Variants in ARHGEF3 observed in about 807,000 individuals in gnomAD.
ARHGEF3 encodes Rho guanine nucleotide exchange factor 3, also known as 59.8 kDA protein.
A neutral mutation model predicts 63.2 loss-of-function variants in ARHGEF3; 28 were observed. That is an observed-to-expected ratio of 0.44 (90% confidence interval 0.33 to 0.61). ARHGEF3 has a LOEUF of 0.61. ARHGEF3 is among the 20% of genes least tolerant of loss of function. The pLI is 0.03. For missense variants in ARHGEF3, 533 were observed against 659.3 expected, an observed-to-expected ratio of 0.81 and a Z score of 2.10; for synonymous variants, 266 against 254.2, an observed-to-expected ratio of 1.05 and a Z score of -0.44.
intron 7 of ARHGEF3, among the ~76,000 whole-genome samples, chr3:56,741,324 T>A (rs1321190925): frequency 6.6e-6 from 1 of 151,332 alleles, no homozygotes; most frequent in African/African-American, 2.4e-5. Context: ...TAGCTGGGAT[T>A]ACAGGCATGC....
At position 56,900,132 on chromosome 3, in the gene ARHGEF3, A is replaced by G. The variant is rs540190696; in HGVS notation, c.130-17778T>C. ...CTTTGTAGCAGAGGCCCCACCTCCC[A>G]ACTCCCTTTGTTGTCACAGTCCTGG... On this transcript the variant is annotated intron_variant, in intron 3 of 12. Coordinates refer to the ARHGEF3 transcript ENST00000338458. Among the ~76,000 whole-genome samples, 13 of 152,266 alleles carry G rather than the reference A, an allele frequency of 8.5e-5. No individual in the cohort carries two copies. In the East Asian group the frequency reaches 2.5e-3, roughly 29 times the overall value.
chr3:56,895,776 G>A (rs923714333), intron 3 of ARHGEF3, among the ~76,000 whole-genome samples: 15 of 152,194 alleles, frequency 9.9e-5, no homozygotes, highest in African/African-American at 3.6e-4. Context: ...CAGGTCCATC[G>A]TTCTGAGGGA....
At chr3:56,977,207 G>GCA (rs1701158396) in intron 2 of ARHGEF3, 3 of 455,938 alleles carry the variant, frequency 6.6e-6, no homozygotes, top group African/African-American at 6.0e-5. Flanking sequence ...TTTTCTGGCT[G>GCA]CCTAATCCAC....
At chr3:57,028,795 G>A (rs1703594908) in intron 2 of ARHGEF3, among the ~76,000 whole-genome samples, 1 of 151,882 alleles carries the variant, frequency 6.6e-6, no homozygotes, top group African/African-American at 2.4e-5. Flanking sequence ...GACGATGTTT[G>A]GAGCCAATGT....
intron 3 of ARHGEF3, among the ~76,000 whole-genome samples, chr3:56,944,315 C>T (rs1699352662): frequency 3.9e-5 from 6 of 152,110 alleles, no homozygotes; most frequent in Admixed American, 3.3e-4. Context: ...CCATTAAGAA[C>T]ATTCACAATT....
intron 1 of ARHGEF3, among the ~76,000 whole-genome samples, chr3:57,076,241 C>T (rs1388084873): frequency 6.6e-6 from 1 of 152,048 alleles, no homozygotes; most frequent in Non-Finnish European, 1.5e-5. Flanking sequence ...ATAACTTGGC[C>T]TTGAAGGGTT....
intron 2 of ARHGEF3, among the ~76,000 whole-genome samples, chr3:56,998,048 G>A (rs191061829): frequency 6.6e-6 from 1 of 152,186 alleles, no homozygotes; most frequent in Admixed American, 6.5e-5. Context: ...ATGTACAGTT[G>A]GGTTTTTAAG....
intron 3 of ARHGEF3, among the ~76,000 whole-genome samples, chr3:56,913,397 C>G (rs889611549): frequency 6.6e-6 from 1 of 151,960 alleles, no homozygotes; most frequent in Non-Finnish European, 1.5e-5. Context: ...ATAATGCACA[C>G]GAAGAGATGC....
At chr3:56,776,015 C>G (rs2036268681) in intron 1 of ARHGEF3, among the ~76,000 whole-genome samples, 1 of 152,162 alleles carries the variant, frequency 6.6e-6, no homozygotes, top group Non-Finnish European at 1.5e-5. Context: ...ATGGTTAAAG[C>G]TGCTGGGTCA....
intron 1 of ARHGEF3, among the ~76,000 whole-genome samples, chr3:57,063,386 ACT>A (rs1390191656): frequency 6.6e-6 from 1 of 151,956 alleles, no homozygotes; most frequent in African/African-American, 2.4e-5. Flanking sequence ...GTTCCCTCTG[ACT>A]CTGAGTTGAG....
intron 4 of ARHGEF3, among the ~76,000 whole-genome samples, chr3:56,833,990 A>C (rs1578633986): frequency 7.1e-6 from 1 of 141,746 alleles, no homozygotes; most frequent in African/African-American, 2.7e-5. Context: ...TGCAGCCTCC[A>C]CCTCCCAGGT....
At chr3:56,764,742 ACAATAGT>A (rs1272332848) in intron 2 of ARHGEF3, among the ~76,000 whole-genome samples, 1 of 148,702 alleles carries the variant, frequency 6.7e-6, no homozygotes, top group Non-Finnish European at 1.5e-5. Flanking sequence ...GCTTTAAATT[ACAATAGT>A]CAACAAATTT....
At chr3:56,949,218 C>A (rs1699676439) in intron 3 of ARHGEF3, among the ~76,000 whole-genome samples, 2 of 151,898 alleles carry the variant, frequency 1.3e-5, no homozygotes, top group Admixed American at 6.6e-5. Flanking sequence ...AAAACTGGCA[C>A]AAGACAGGGA....
At chr3:56,927,597 G>C (rs942099322) in intron 3 of ARHGEF3, among the ~76,000 whole-genome samples, 3 of 152,110 alleles carry the variant, frequency 2.0e-5, no homozygotes, top group African/African-American at 7.2e-5. Flanking sequence ...GGTCTGAGGA[G>C]GGGAGCCCCA....
intron 3 of ARHGEF3, among the ~76,000 whole-genome samples, chr3:56,894,609 G>A (rs1305033107): frequency 6.6e-6 from 1 of 151,940 alleles, no homozygotes; most frequent in East Asian, 1.9e-4. Context: ...GGGTGACGTG[G>A]CAAGACCCTA....
At chr3:56,889,703 T>C (rs1246899471) in intron 3 of ARHGEF3, among the ~76,000 whole-genome samples, 1 of 152,214 alleles carries the variant, frequency 6.6e-6, no homozygotes, top group Non-Finnish European at 1.5e-5. Context: ...TCTTTGTACA[T>C]TGTTTAAAAA....
chr3:56,912,556 T>C (rs2041881043), intron 3 of ARHGEF3, among the ~76,000 whole-genome samples: 1 of 152,230 alleles, frequency 6.6e-6, no homozygotes, highest in African/African-American at 2.4e-5. Flanking sequence ...AGTTTTGCCA[T>C]CTGCAAAACA....
At chr3:56,779,544 G>A (rs61106384) in intron 1 of ARHGEF3, among the ~76,000 whole-genome samples, 6,579 of 152,002 alleles carry the variant, frequency 0.043, 460 homozygotes, top group African/African-American at 0.15. Flanking sequence ...GCAGGCTGGA[G>A]TGCAGTGGCG....
chr3:57,003,121 A>C (rs1702325183), intron 2 of ARHGEF3, among the ~76,000 whole-genome samples: 1 of 151,554 alleles, frequency 6.6e-6, no homozygotes, highest in South Asian at 2.1e-4. Context: ...AAAAGAAATT[A>C]AAGGCCGGGC....
Sources: gnomAD v4.1 joint callset for allele counts (sites outside exome capture counted in the v4.1 genomes callset) on GRCh38, gnomAD v4.1.1 for gene constraint, MANE v1.5 for transcripts, NCBI Gene and HGNC (gene_info 2026-07-23, HGNC 2026-07-21) for gene names.